The following NRXN3 variants were observed in gnomAD, a reference collection of about 807,000 sequenced individuals.
NRXN3 encodes the protein neurexin 3, also known as neurexin III.
A neutral mutation model predicts 137.6 loss-of-function variants in NRXN3; 32 were observed. The observed-to-expected ratio is 0.23, with a 90% CI of 0.18 to 0.31. The LOEUF (loss-of-function observed/expected upper bound fraction) is 0.31. NRXN3 is among the 10% of genes least tolerant of loss of function. The pLI, the probability that NRXN3 is intolerant of heterozygous loss-of-function variation, is 1.00. For synonymous variants in NRXN3, 798 were observed against 784.5 expected, an observed-to-expected ratio of 1.02 and a Z score of -0.29; for missense variants, 1,574 against 2,062.5, an observed-to-expected ratio of 0.76 and a Z score of 4.59.
intron 16 of NRXN3, among the ~76,000 whole-genome samples, chr14:79,651,171 C>T (rs539836226): frequency 5.8e-4 from 88 of 152,230 alleles, no homozygotes; most frequent in African/African-American, 2.1e-3. Context: ...GAACACTAAG[C>T]CTTTCACCTC....
chr14:79,451,079 G>A (rs2096162342), intron 15 of NRXN3, among the ~76,000 whole-genome samples: 1 of 151,192 alleles, frequency 6.6e-6, no homozygotes, highest in South Asian at 2.1e-4. Context: ...ATCTGCAAAT[G>A]AGGACACAAA....
At chr14:78,274,814 A>T (rs1048031617) in intron 2 of NRXN3, among the ~76,000 whole-genome samples, 4 of 152,202 alleles carry the variant, frequency 2.6e-5, no homozygotes, top group Non-Finnish European at 5.9e-5. Context: ...TGTTTAGAGC[A>T]TGGAGATCCT....
At chr14:78,681,134 A>G (rs2098071079) in intron 6 of NRXN3, among the ~76,000 whole-genome samples, 1 of 152,140 alleles carries the variant, frequency 6.6e-6, no homozygotes, top group Non-Finnish European at 1.5e-5. Flanking sequence ...TCTTTCTATG[A>G]CACAGTCTTA....
chr14:79,214,170 G>A (rs1414934247), intron 15 of NRXN3, among the ~76,000 whole-genome samples: 1 of 152,204 alleles, frequency 6.6e-6, no homozygotes, highest in Non-Finnish European at 1.5e-5. Flanking sequence ...TTGCCCTGTG[G>A]CATATTACAT....
chr14:79,448,778 CG>C (rs1405831597), intron 15 of NRXN3, among the ~76,000 whole-genome samples: 1 of 151,978 alleles, frequency 6.6e-6, no homozygotes, highest in Non-Finnish European at 1.5e-5. Context: ...CGTATACATG[CG>C]TGTACATTTA....
At chr14:79,286,113 CCAGATCTT>C in intron 15 of NRXN3, among the ~76,000 whole-genome samples, 2 of 152,080 alleles carry the variant, frequency 1.3e-5, no homozygotes, top group African/African-American at 2.4e-5. Flanking sequence ...GTGACTGAGT[CCAGATCTT>C]TATTTGCACA....
At chr14:78,377,305 A>G (rs2088062578) in intron 4 of NRXN3, among the ~76,000 whole-genome samples, 1 of 152,256 alleles carries the variant, frequency 6.6e-6, no homozygotes, top group South Asian at 2.1e-4. Context: ...CTGTTGCCAG[A>G]GACAAACAGG....
intron 10 of NRXN3, among the ~76,000 whole-genome samples, chr14:78,953,799 GA>G (rs2099391513): frequency 6.6e-6 from 1 of 152,058 alleles, no homozygotes; most frequent in Non-Finnish European, 1.5e-5. Flanking sequence ...ATAAAAGAGG[GA>G]AAAATACATG....
chr14:79,613,626 T>C lies in NRXN3; in HGVS notation c.3445-50152T>C, dbSNP rs138141730. On this transcript the variant is annotated intron_variant, in intron 16 of 20. Transcript: ENST00000335750. Reference sequence around the variant, plus strand: ...CCCAAAGATCTTTTAAAATTCCATGTGACCCAAATACTACCAAATCCTAAA... The same window carrying C: ...CCCAAAGATCTTTTAAAATTCCATGCGACCCAAATACTACCAAATCCTAAA... Among the ~76,000 whole-genome samples the C allele has an allele frequency of 3.3e-4, 50 of 152,336 alleles. No individual in the cohort carries two copies. The East Asian group carries it at 9.6e-3, about 29-fold the overall frequency.
At chr14:78,846,146 C>T (rs1037201653) in intron 10 of NRXN3, among the ~76,000 whole-genome samples, 3 of 152,176 alleles carry the variant, frequency 2.0e-5, no homozygotes, top group African/African-American at 4.8e-5. Context: ...AACACTCCCA[C>T]TTTCAAATCA....
intron 19 of NRXN3, among the ~76,000 whole-genome samples, chr14:79,733,695 G>A (rs528168093): frequency 6.1e-5 from 9 of 146,666 alleles, no homozygotes; most frequent in Non-Finnish European, 1.0e-4. Context: ...TTTTATAACT[G>A]TGATTATTTT....
At chr14:79,188,447 T>C (rs560183185) in intron 15 of NRXN3, among the ~76,000 whole-genome samples, 20 of 152,310 alleles carry the variant, frequency 1.3e-4, no homozygotes, top group Non-Finnish European at 2.6e-4. Flanking sequence ...TAGGTATCTT[T>C]CTGGAGAACA....
intron 4 of NRXN3, among the ~76,000 whole-genome samples, chr14:78,303,016 A>C (rs1357480952): frequency 6.6e-6 from 1 of 152,184 alleles, no homozygotes; most frequent in Non-Finnish European, 1.5e-5. Context: ...AATGGAGTGC[A>C]GGATTAGCTA....
At chr14:78,182,464 T>A (rs1181323284) in intron 1 of NRXN3, among the ~76,000 whole-genome samples, 4 of 152,136 alleles carry the variant, frequency 2.6e-5, no homozygotes, top group African/African-American at 9.7e-5. Context: ...TGCAAAACAC[T>A]TTATCAAAAT....
intron 15 of NRXN3, among the ~76,000 whole-genome samples, chr14:79,424,863 G>A (rs1289480666): frequency 6.6e-6 from 1 of 152,200 alleles, no homozygotes. Flanking sequence ...GACAGAGGCA[G>A]GGTCCTGACT....
intron 15 of NRXN3, among the ~76,000 whole-genome samples, chr14:79,084,531 C>T (rs1361382105): frequency 6.6e-6 from 1 of 152,122 alleles, no homozygotes; most frequent in African/African-American, 2.4e-5. Flanking sequence ...GTCATCTTTA[C>T]ATTTATTTCT....
chr14:79,426,003 G>T (rs76410210), intron 15 of NRXN3, among the ~76,000 whole-genome samples: 1 of 151,918 alleles, frequency 6.6e-6, no homozygotes, highest in Admixed American at 6.6e-5. Context: ...GAAGGGGAGA[G>T]AGAGAGAGAG....
chr14:79,060,761 A>G lies in NRXN3; in HGVS notation c.3262+72620A>G, dbSNP rs146628307. On this transcript the variant is annotated intron_variant, in intron 15 of 20. Coordinates refer to ENST00000335750, the MANE Select transcript of NRXN3 (RefSeq NM_001330195.2). ...TCTTATAGGTTTGAAATAGGATGAAAATTCCTCCCTCTTTTTTTTTCTTAT... is the reference window on the plus strand; with the variant it reads ...TCTTATAGGTTTGAAATAGGATGAAGATTCCTCCCTCTTTTTTTTTCTTAT... Among the ~76,000 whole-genome samples, 568 of 152,228 alleles carry G rather than the reference A, an allele frequency of 3.7e-3. 3 individuals carry two copies. Among genetic ancestry groups the G allele is most frequent in the Middle Eastern group, 0.01 (3 of 294 alleles).
intron 19 of NRXN3, among the ~76,000 whole-genome samples, chr14:79,715,993 G>C (rs1483726154): frequency 2.0e-5 from 3 of 152,236 alleles, no homozygotes; most frequent in African/African-American, 7.2e-5. Flanking sequence ...ACCAAGTAAA[G>C]TGACCAGTTA....
Sources: allele counts gnomAD v4.1 joint callset (sites outside exome capture counted in the v4.1 genomes callset), GRCh38; gene constraint gnomAD v4.1.1; transcripts MANE v1.5; gene names NCBI Gene and HGNC (gene_info 2026-07-23, HGNC 2026-07-21).